Variants in POLH observed in about 807,000 individuals in gnomAD.
POLH encodes the protein DNA polymerase eta transcript.
In POLH, 53 loss-of-function variants were observed where a neutral mutation model predicts 73.6. The observed-to-expected ratio is 0.72, with a 90% CI of 0.58 to 0.91. POLH has a LOEUF of 0.91. Among genes scored for constraint, POLH ranks in the 40% least tolerant of loss-of-function variants. The pLI, the probability that POLH is intolerant of heterozygous loss-of-function variation, is 0.00. For synonymous variants in POLH, 292 were observed against 308.5 expected, an observed-to-expected ratio of 0.95 and a Z score of 0.56; for missense variants, 768 against 865.4, an observed-to-expected ratio of 0.89 and a Z score of 1.41.
intron 6 of POLH, among the ~76,000 whole-genome samples, chr6:43,603,262 G>A (rs915412681): frequency 2.6e-5 from 4 of 151,970 alleles, no homozygotes; most frequent in Non-Finnish European, 1.5e-5. Context: ...AAGTAGCTGG[G>A]ACTACAGCTA....
chr6:43,600,973 T>C lies in POLH; in HGVS notation c.661-15T>C, dbSNP rs1278090406. The stretch of plus-strand genomic sequence containing the variant: ...GTTGACAGTAATGAGGTTTTTATAC[T>C]TTGCATGCTTCCAGGTCCTGGCAAA... On this transcript the variant is annotated splice_polypyrimidine_tract_variant and intron_variant, in intron 5 of 10. Coordinates refer to ENST00000372236, the MANE Select transcript of POLH (RefSeq NM_006502.3). 6.3e-7 allele frequency: 1 copy of C among 1,585,358 alleles called. No homozygotes were observed. The highest frequency in any genetic ancestry group is 1.7e-5 in the Admixed American group (1 of 59,992).
rs1026235311 is a variant in POLH at position 43,618,699 on chromosome 6, C to T, written c.*4142C>T. Among the ~76,000 whole-genome samples, 5 of 151,732 alleles carry T rather than the reference C, an allele frequency of 3.3e-5. No homozygotes were observed. Among genetic ancestry groups the T allele is most frequent in the African/African-American group, 4.8e-5 (2 of 41,300 alleles). Reference sequence around the variant, plus strand: ...CGGCTGGAATGCAATGGCACGATCTCGGCTCACTGCAACCTCCGCCTCCCG... The same window carrying T: ...CGGCTGGAATGCAATGGCACGATCTTGGCTCACTGCAACCTCCGCCTCCCG... On this transcript the variant is annotated 3_prime_UTR_variant, in exon 11 of 11. Coordinates refer to ENST00000372236, the MANE Select transcript of POLH (RefSeq NM_006502.3).
At chr6:43,591,925 C>T (rs1765501177) in intron 4 of POLH, among the ~76,000 whole-genome samples, 1 of 152,122 alleles carries the variant, frequency 6.6e-6, no homozygotes, top group South Asian at 2.1e-4. Context: ...TATATACCTT[C>T]CTTGGTAGTT....
In POLH at chr6:43,618,780, A is replaced by C. The variant is rs1408494871; in HGVS notation, c.*4223A>C. Among the ~76,000 whole-genome samples the C allele has an allele frequency of 6.6e-6, 1 of 151,930 alleles. No individual in the cohort carries two copies. The highest frequency in any genetic ancestry group is 1.5e-5 in the Non-Finnish European group (1 of 67,980). On this transcript the variant is annotated 3_prime_UTR_variant, in exon 11 of 11. Transcript: ENST00000372236. ...TGAGTAGCTGGGATTATAGGCATGC[A>C]CCATCACGCCTGGCTAATTTTTGTA...
At chr6:43,593,838 C>T (rs185601564) in intron 4 of POLH, among the ~76,000 whole-genome samples, 29 of 146,010 alleles carry the variant, frequency 2.0e-4, no homozygotes, top group African/African-American at 7.4e-4. Flanking sequence ...TGAGATTGCG[C>T]CACTGTACTC....
intron 3 of POLH, among the ~76,000 whole-genome samples, chr6:43,583,524 G>C (rs139674845): frequency 1.3e-5 from 2 of 152,246 alleles, no homozygotes; most frequent in Non-Finnish European, 1.5e-5. Context: ...TACAATATCA[G>C]GAATTAGTTG....
chr6:43,613,829 G>A lies in POLH; in HGVS notation c.1414G>A (p.Ala472Thr), dbSNP rs769572026. The stretch of plus-strand genomic sequence containing the variant: ...CCAGGGAAGTGGCCCAGCGGTGACA[G>A]CCACTAAGAAAGCAACCACGTCTCT... ...KTQGSGPAVT[A>T]TKKATTSLES... Residue 472 changes from alanine (A) to threonine (T), a missense_variant, in exon 11 of 11, where the codon GCC becomes ACC. Coordinates refer to ENST00000372236, the MANE Select transcript of POLH (RefSeq NM_006502.3). 24 of 1,614,084 alleles carry A rather than the reference G, an allele frequency of 1.5e-5. No homozygotes were observed. Among genetic ancestry groups the A allele is most frequent in the Non-Finnish European group, 1.5e-5 (18 of 1,180,046 alleles).
At chr6:43,577,495 A>C (rs1362360420) in intron 1 of POLH, among the ~76,000 whole-genome samples, 1 of 152,196 alleles carries the variant, frequency 6.6e-6, no homozygotes, top group Admixed American at 6.5e-5. Flanking sequence ...TTAAAGTATC[A>C]CATTCTGCCT....
Position 43,576,938 on chromosome 6 carries a change from C to T in POLH, c.-5+498C>T, listed in dbSNP as rs898470615. ...TGGGAGGCGGAGGCGGGCGGATCAC[C>T]TGAGGTCAGGAGTTCGAGACCAGCC... On this transcript the variant is annotated intron_variant, in intron 1 of 10. Transcript: ENST00000372236. Among the ~76,000 whole-genome samples, 4 of 152,200 alleles carry T rather than the reference C, an allele frequency of 2.6e-5. No homozygotes were observed. In the East Asian group the frequency reaches 5.8e-4, roughly 22 times the overall value.
At chr6:43,579,323 C>A (rs1203205015) in intron 1 of POLH, among the ~76,000 whole-genome samples, 1 of 152,210 alleles carries the variant, frequency 6.6e-6, no homozygotes, top group Non-Finnish European at 1.5e-5. Context: ...TCTGGACAGG[C>A]CTTGCTGGGT....
chr6:43,612,051 C>A (rs972047548), intron 10 of POLH, among the ~76,000 whole-genome samples: 3 of 151,846 alleles, frequency 2.0e-5, no homozygotes, highest in Admixed American at 6.6e-5. Context: ...AGCGAAATTC[C>A]GTCTCCAACA....
At position 43,620,043 on chromosome 6, in the gene POLH, G is replaced by T. The variant is rs1484312193; in HGVS notation, c.*5486G>T. 6.9e-6 allele frequency: 2 copies of T among 291,280 alleles called. No homozygotes were observed. Among genetic ancestry groups the T allele is most frequent in the Non-Finnish European group, 1.3e-5 (2 of 152,270 alleles). The allele number at this position is 291,280 out of a possible 1,614,324, so 18.0% of individuals were successfully genotyped here. On this transcript the variant is annotated 3_prime_UTR_variant, in exon 11 of 11. Transcript: ENST00000372236. ...ACATGGAAACAGGAGCAGGGACTAAGGTTTGGTCAAGTGGCCCTCATTGTT... is the reference window on the plus strand; with the variant it reads ...ACATGGAAACAGGAGCAGGGACTAATGTTTGGTCAAGTGGCCCTCATTGTT...
In POLH at chr6:43,576,271, T is replaced by G. The variant is rs1241750575; in HGVS notation, c.-174T>G. The stretch of plus-strand genomic sequence containing the variant: ...CCGGGCAGGATCCTTTACGATCCCT[T>G]CTCGGTTTCTCCGTCGTCACAGGGA... On this transcript the variant is annotated 5_prime_UTR_variant, in exon 1 of 11. Coordinates refer to ENST00000372236, the MANE Select transcript of POLH (RefSeq NM_006502.3). The G allele has an allele frequency of 6.2e-6, 1 of 160,742 alleles. No homozygotes were observed. Among genetic ancestry groups the G allele is most frequent in the Non-Finnish European group, 1.4e-5 (1 of 73,868 alleles). 10.0% of individuals were successfully genotyped at this position (160,742 alleles called of 1,614,324 possible). A position where few individuals can be genotyped will look rare whatever the true frequency, so the allele number is the denominator to read the frequency against.
At chr6:43,606,289 C>A (rs527246816) in intron 9 of POLH, among the ~76,000 whole-genome samples, 4 of 151,926 alleles carry the variant, frequency 2.6e-5, no homozygotes. Flanking sequence ...CTTTTACTTA[C>A]ATCTCCCCAT....
intron 9 of POLH, 98 bp downstream of exon 9, chr6:43,605,417 T>A (rs1767162639): frequency 1.4e-6 from 1 of 704,098 alleles, no homozygotes; most frequent in East Asian, 2.7e-5. Context: ...AAAAAAGTAT[T>A]AGCATAGGAA....
Position 43,605,391 on chromosome 6 carries a change from G to GC in POLH, c.1074+73dup, listed in dbSNP as rs1245825249. 4.0e-6 allele frequency: 3 copies of GC among 758,538 alleles called. No homozygotes were observed. The African/African-American group carries it at 5.2e-5, about 13-fold the overall frequency. The allele number at this position is 758,538 out of a possible 1,614,324, so 47.0% of individuals were successfully genotyped here. A position where few individuals can be genotyped will look rare whatever the true frequency, so the allele number is the denominator to read the frequency against. The stretch of plus-strand genomic sequence containing the variant: ...TATCAGCTGCTCTTTACCTTATGGA[G>GC]CAGGAACAAAGACAGAAAAAAGTAT... On this transcript the variant is annotated intron_variant, in intron 9 of 10. Transcript: ENST00000372236.
chr6:43,582,249 A>C (rs1482155305), intron 1 of POLH, 67 bp from the exon 2 acceptor site: 5 of 1,435,518 alleles, frequency 3.5e-6, no homozygotes, highest in African/African-American at 1.4e-5. Context: ...AAAGAATGGA[A>C]TTACAGTTTT....
At chr6:43,607,992 G>A (rs1018783382) in intron 9 of POLH, among the ~76,000 whole-genome samples, 1 of 152,140 alleles carries the variant, frequency 6.6e-6, no homozygotes, top group African/African-American at 2.4e-5. Flanking sequence ...TTAGCTGGGC[G>A]TGGTGGCGGG....
chr6:43,618,298 A>G lies in POLH; in HGVS notation c.*3741A>G, dbSNP rs188445411. Among the ~76,000 whole-genome samples the G allele has an allele frequency of 6.6e-6, 1 of 151,622 alleles. No homozygotes were observed. The highest frequency in any genetic ancestry group is 2.0e-4 in the East Asian group (1 of 5,076). On this transcript the variant is annotated 3_prime_UTR_variant, in exon 11 of 11. Transcript: ENST00000372236. ...AGCTTCCCGAATAGCTGAGACTACA[A>G]GCGTGCACCACCATGCCCAGCTAAT...
Sources: allele counts gnomAD v4.1 joint callset (sites outside exome capture counted in the v4.1 genomes callset), GRCh38; gene constraint gnomAD v4.1.1; transcripts MANE v1.5; gene names NCBI Gene and HGNC (gene_info 2026-07-23, HGNC 2026-07-21).